ANKRD34C: variants seen among roughly 807,000 people sequenced by gnomAD.
The protein encoded by ANKRD34C is ankyrin repeat domain-containing protein 34C.
For synonymous variants in ANKRD34C, 260 were observed against 253.6 expected (o/e 1.03, Z -0.24); for missense variants, 563 against 653.0 (o/e 0.86, Z 1.50).
intron 1 of ANKRD34C, among the ~76,000 whole-genome samples, chr15:79,286,329 G>A (rs2058645010): frequency 6.6e-6 from 1 of 151,982 alleles, no homozygotes; most frequent in South Asian, 2.1e-4. Context: ...TGAAACACAT[G>A]AAAAAAACCC....
chr15:79,285,229 C>G (rs1254149259), intron 1 of ANKRD34C, among the ~76,000 whole-genome samples: 2 of 152,118 alleles, frequency 1.3e-5, no homozygotes, highest in East Asian at 3.9e-4. Context: ...AGTGTATAAC[C>G]AAGCACTTTC....
intron 1 of ANKRD34C, chr15:79,283,954 C>G (rs2058636550): frequency 6.6e-6 from 1 of 152,264 alleles, no homozygotes; most frequent in South Asian, 2.1e-4. Flanking sequence ...CTAACTGCTT[C>G]CCGTGACTGC....
At position 79,295,982 on chromosome 15, in the gene ANKRD34C, A is replaced by C. The variant is rs933722870; in HGVS notation, c.*1090A>C. The C allele has an allele frequency of 2.4e-5, 4 of 167,124 alleles. No homozygotes were observed. The highest frequency in any genetic ancestry group is 9.6e-5 in the African/African-American group (4 of 41,474). 10.4% of individuals were successfully genotyped at this position (167,124 alleles called of 1,614,324 possible). On this transcript the variant is annotated 3_prime_UTR_variant, in exon 2 of 2. Transcript: ENST00000421388. ...AGAGATTTGTAGAAATAACCTGCAC[A>C]ACCCTTTTAGGCTGCTTTGAGCAAA...
intron 1 of ANKRD34C, among the ~76,000 whole-genome samples, chr15:79,288,916 G>A (rs865885423): frequency 6.8e-6 from 1 of 147,516 alleles, no homozygotes; most frequent in Non-Finnish European, 1.5e-5. Context: ...TGCCTCCTGG[G>A]TTCAAGTGAT....
In ANKRD34C at chr15:79,293,313, C is replaced by A; in HGVS notation, c.29C>A (p.Thr10Asn). 6.5e-7 allele frequency: 1 copy of A among 1,537,260 alleles called. No homozygotes were observed. The highest frequency in any genetic ancestry group is 8.8e-7 in the Non-Finnish European group (1 of 1,140,384). The stretch of plus-strand genomic sequence containing the variant: ...ATGGATGATGACACTGAATTAAGGA[C>A]TGATGGAAACTCTTTGTTAAAGGCT... MMDDDTELR[T>N]DGNSLLKAVW... is the part of the protein sequence containing the mutation. The change falls in exon 2 of 2, where the codon ACT becomes AAT. Residue 10 changes from threonine (T) to asparagine (N), a missense_variant. Physicochemically the swap from Thr to Asn is moderately conservative, Grantham distance 65. Coordinates refer to ENST00000421388, the MANE Select transcript of ANKRD34C (RefSeq NM_001146341.2).
chr15:79,283,917 C>G (rs907456234), intron 1 of ANKRD34C: 1 of 152,276 alleles, frequency 6.6e-6, no homozygotes, highest in Non-Finnish European at 1.5e-5. Flanking sequence ...ATCGCAAAAG[C>G]AAACGTGTTC....
chr15:79,291,601 CAGAGAG>C (rs138471761), intron 1 of ANKRD34C, among the ~76,000 whole-genome samples: 869 of 83,818 alleles, frequency 0.01, 10 homozygotes, highest in African/African-American at 0.024. Flanking sequence ...CACACACACA[CAGAGAG>C]AGAGAGAGAG....
In ANKRD34C at chr15:79,293,417, G is replaced by C. The variant is rs779874764; in HGVS notation, c.133G>C (p.Glu45Gln). 6.4e-7 allele frequency: 1 copy of C among 1,551,694 alleles called. No individual in the cohort carries two copies. The highest frequency in any genetic ancestry group is 1.2e-5 in the South Asian group (1 of 84,060). Residue 45 changes from glutamate (E) to glutamine (Q), a missense_variant, in exon 2 of 2, where the codon GAA (glutamate) becomes CAA (glutamine). Physicochemically the swap from Glu to Gln is conservative, Grantham distance 29. Coordinates refer to ENST00000421388, the MANE Select transcript of ANKRD34C (RefSeq NM_001146341.2). The stretch of plus-strand genomic sequence containing the variant: ...TATCAATGAAAGCAATGACAAAGGC[G>C]AAACAGCTCTCATGGTGGCGTGCAT... ...AYINESNDKG[E>Q]TALMVACITK...
rs2058671246 is a variant in ANKRD34C at position 79,295,932 on chromosome 15, C to T, written c.*1040C>T. The T allele has an allele frequency of 6.0e-6, 1 of 166,990 alleles. No individual in the cohort carries two copies. Among genetic ancestry groups the T allele is most frequent in the Non-Finnish European group, 1.5e-5 (1 of 68,124 alleles). 10.3% of individuals were successfully genotyped at this position (166,990 alleles called of 1,614,324 possible). On this transcript the variant is annotated 3_prime_UTR_variant, in exon 2 of 2. Transcript: ENST00000421388. The stretch of plus-strand genomic sequence containing the variant: ...TAATTGAAGAAAAATCTGGTTTCTT[C>T]TCTTCCTGATCTATCTAGGTGAGAA...
chr15:79,283,816 G>GCCCGGCTCCCTAGCC (rs987802289), intron 1 of ANKRD34C: 1 of 152,280 alleles, frequency 6.6e-6, no homozygotes, highest in Non-Finnish European at 1.5e-5. Context: ...GCGTGGAACA[G>GCCCGGCTCCCTAGCC]CCCGGCTCCC....
In ANKRD34C at chr15:79,293,626, T is replaced by C; in HGVS notation, c.342T>C (p.Leu114=). Residue 114 remains leucine (L), a synonymous_variant, in exon 2 of 2, where the codon CTT becomes CTC. Transcript: ENST00000421388. ...LLLENGADPS[L]EDRTGASALV... Reference sequence around the variant, plus strand: ...TGGAGAATGGAGCAGACCCCAGCCTTGAAGATCGCACTGGGGCTTCAGCTC... The same window carrying C: ...TGGAGAATGGAGCAGACCCCAGCCTCGAAGATCGCACTGGGGCTTCAGCTC... The C allele has an allele frequency of 6.4e-7, 1 of 1,551,666 alleles. No individual in the cohort carries two copies. The highest frequency in any genetic ancestry group is 8.7e-7 in the Non-Finnish European group (1 of 1,146,986).
At chr15:79,287,737 GA>G (rs1345948439) in intron 1 of ANKRD34C, among the ~76,000 whole-genome samples, 2 of 152,188 alleles carry the variant, frequency 1.3e-5, no homozygotes, top group Non-Finnish European at 2.9e-5. Context: ...AACTTCAGAG[GA>G]AGGAGGAAAA....
At chr15:79,290,188 CT>C (rs11382951) in intron 1 of ANKRD34C, among the ~76,000 whole-genome samples, 15,283 of 108,530 alleles carry the variant, frequency 0.14, 808 homozygotes, top group African/African-American at 0.18. Flanking sequence ...TGACACCCAG[CT>C]TTTTTTTTTT....
chr15:79,296,339 A>G lies in ANKRD34C; in HGVS notation c.*1447A>G, dbSNP rs1015819661. The G allele has an allele frequency of 6.6e-5, 11 of 167,122 alleles. No homozygotes were observed. The highest frequency in any genetic ancestry group is 2.7e-4 in the African/African-American group (11 of 41,468). The allele number at this position is 167,122 out of a possible 1,614,324, so 10.4% of individuals were successfully genotyped here. ...ACAAGGTTGTGATGAGAATTAAATGACACAATGTATGAAAGTGCTGCCATT... is the reference window on the plus strand; with the variant it reads ...ACAAGGTTGTGATGAGAATTAAATGGCACAATGTATGAAAGTGCTGCCATT... On this transcript the variant is annotated 3_prime_UTR_variant, in exon 2 of 2. Transcript: ENST00000421388.
rs752682439 is a variant in ANKRD34C, at chr15:79,294,478, C to T, written c.1194C>T (p.Ser398=). 91 of 1,551,608 alleles carry T rather than the reference C, an allele frequency of 5.9e-5. 1 individual carries two copies. The highest frequency in any genetic ancestry group is 4.3e-4 in the South Asian group (36 of 84,060). Residue 398 remains serine, a synonymous_variant, in exon 2 of 2, where the codon TCC becomes TCT. Coordinates refer to ENST00000421388, the MANE Select transcript of ANKRD34C (RefSeq NM_001146341.2). ...CTCCCAACTCCATTTCCCTTGAATCCGGCAAAGGACCTTTAGATAGAAAGA... is the reference window on the plus strand; with the variant it reads ...CTCCCAACTCCATTTCCCTTGAATCTGGCAAAGGACCTTTAGATAGAAAGA... The part of the protein sequence containing the change: ...PDPPNSISLE[S]GKGPLDRKKL...
chr15:79,294,034 C>T lies in ANKRD34C; in HGVS notation c.750C>T (p.Leu250=). 2 of 1,551,650 alleles carry T rather than the reference C, an allele frequency of 1.3e-6. No homozygotes were observed. The highest frequency in any genetic ancestry group is 1.7e-6 in the Non-Finnish European group (2 of 1,146,984). ...KRARLPQLKR[L]QSEPWGLIAP... ...CCCGTTTGCCTCAACTGAAGAGGCT[C>T]CAGTCTGAACCTTGGGGCCTGATAG... The change falls in exon 2 of 2, where the codon CTC becomes CTT. Residue 250 remains leucine, a synonymous_variant. Transcript: ENST00000421388.
chr15:79,286,894 C>A (rs943993542), intron 1 of ANKRD34C, among the ~76,000 whole-genome samples: 8 of 152,172 alleles, frequency 5.3e-5, no homozygotes, highest in Non-Finnish European at 1.2e-4. Context: ...GTGCACTTCC[C>A]ACCACCACCA....
chr15:79,292,056 T>C (rs568319259), intron 1 of ANKRD34C, among the ~76,000 whole-genome samples: 1 of 152,296 alleles, frequency 6.6e-6, no homozygotes, highest in South Asian at 2.1e-4. Context: ...TAGAGTAATA[T>C]AAATAAATAA....
At chr15:79,290,884 C>G (rs919175550) in intron 1 of ANKRD34C, among the ~76,000 whole-genome samples, 5 of 152,188 alleles carry the variant, frequency 3.3e-5, no homozygotes, top group Non-Finnish European at 7.3e-5. Flanking sequence ...GTTCCTGTTG[C>G]TTCCTGTCTG....
Sources: allele counts gnomAD v4.1 joint callset (sites outside exome capture counted in the v4.1 genomes callset), GRCh38; gene constraint gnomAD v4.1.1; transcripts MANE v1.5; gene names NCBI Gene and HGNC (gene_info 2026-07-23, HGNC 2026-07-21).